The following MPPE1 variants were observed in gnomAD, a reference collection of about 807,000 sequenced individuals.
MPPE1 encodes the protein metallophosphoesterase 1.
MPPE1 carries 28 observed loss-of-function variants against 43.8 expected under a neutral mutation model. That is an observed-to-expected ratio of 0.64 (90% CI 0.47 to 0.88). MPPE1 has a LOEUF of 0.88. Among genes scored for constraint, MPPE1 ranks in the 40% least tolerant of loss-of-function variants. The pLI, the probability that MPPE1 is intolerant of heterozygous loss-of-function variation, is 0.00. For synonymous variants in MPPE1, 159 were observed against 188.5 expected (o/e 0.84, Z 1.28); for missense variants, 428 against 492.2 (o/e 0.87, Z 1.23).
In MPPE1 at chr18:11,886,777, G is replaced by A. The variant is rs2037331028; in HGVS notation, c.680C>T (p.Ala227Val). The A allele has an allele frequency of 1.2e-6, 2 of 1,612,678 alleles. No individual in the cohort carries two copies. Among genetic ancestry groups the A allele is most frequent in the South Asian group, 2.2e-5 (2 of 91,036 alleles). The change falls in exon 8 of 11, where the codon GCA (alanine) becomes GTA (valine). Residue 227 changes from alanine (A) to valine (V), a missense_variant and splice_region_variant. Coordinates refer to ENST00000588072, the MANE Select transcript of MPPE1 (RefSeq NM_023075.6). This position sits in a 1 kb window ranked among gnomAD's most constrained non-coding sequence, Gnocchi z 4.1. ...AGGTCCACACCGGCTGGAGCCACGT[G>A]CCTGCTGGGTACAAGTCAGGCCATT... ...VSHRLNCSRE[A>V]RGSSRCGPGP...
intron 4 of MPPE1, among the ~76,000 whole-genome samples, chr18:11,890,853 A>G (rs2037916259): frequency 6.6e-6 from 1 of 152,212 alleles, no homozygotes; most frequent in Non-Finnish European, 1.5e-5. Context: ...GCATTCCCCT[A>G]TGGCTACAAC....
chr18:11,883,362 G>A lies in MPPE1; in HGVS notation c.*1083C>T, dbSNP rs2036765277. 6.5e-6 allele frequency: 1 copy of A among 153,310 alleles called. No individual in the cohort carries two copies. The highest frequency in any genetic ancestry group is 3.4e-3 in the Middle Eastern group (1 of 294). 9.5% of individuals were successfully genotyped at this position (153,310 alleles called of 1,614,324 possible). A position where few individuals can be genotyped will look rare whatever the true frequency, so the allele number is the denominator to read the frequency against. On this transcript the variant is annotated 3_prime_UTR_variant, in exon 11 of 11. Coordinates refer to ENST00000588072, the MANE Select transcript of MPPE1 (RefSeq NM_023075.6). ...CACCCCCAGCAAGAAAGGGAAGTAT[G>A]CTGTTGTATGCATCATTACTCAACA...
Position 11,890,223 on chromosome 18 carries a change from T to C in MPPE1, c.391-733A>G, listed in dbSNP as rs187329909. Among the ~76,000 whole-genome samples, 199 of 152,322 alleles carry C rather than the reference T, an allele frequency of 1.3e-3. 1 individual carries two copies. Among genetic ancestry groups the C allele is most frequent in the African/African-American group, 4.5e-3 (187 of 41,570 alleles). ...TCCCAAAGTGCTGGGATTACAGGCG[T>C]GAGCCACCACACTTGGCCATAATAT... On this transcript the variant is annotated intron_variant, in intron 4 of 10. Transcript: ENST00000588072.
intron 4 of MPPE1, among the ~76,000 whole-genome samples, chr18:11,892,645 C>T (rs1295467272): frequency 6.6e-6 from 1 of 151,392 alleles, no homozygotes; most frequent in African/African-American, 2.4e-5. Context: ...TGCACTCCAG[C>T]CTGGGCAACG....
intron 2 of MPPE1, among the ~76,000 whole-genome samples, chr18:11,899,613 C>A (rs675204): frequency 6.6e-6 from 1 of 152,076 alleles, no homozygotes; most frequent in Non-Finnish European, 1.5e-5. Flanking sequence ...TCTTCAACTG[C>A]GCTCAAGATG....
At position 11,904,407 on chromosome 18, in the gene MPPE1, T is replaced by A. The variant is rs114218809; in HGVS notation, c.-93+1796A>T. Among the ~76,000 whole-genome samples the A allele has an allele frequency of 4.2e-3, 633 of 152,074 alleles. 8 individuals are homozygous for A. Among genetic ancestry groups the A allele is most frequent in the African/African-American group, 0.015 (610 of 41,440 alleles). On this transcript the variant is annotated intron_variant, in intron 2 of 10. Transcript: ENST00000588072. Reference sequence around the variant, plus strand: ...CCAGCTCAGTGCAACCTCCGCCTCCTGGACTCAAGCTATCCTCCCACTTCA... The same window carrying A: ...CCAGCTCAGTGCAACCTCCGCCTCCAGGACTCAAGCTATCCTCCCACTTCA...
At chr18:11,892,541 G>C (rs1466700370) in intron 4 of MPPE1, among the ~76,000 whole-genome samples, 1 of 151,622 alleles carries the variant, frequency 6.6e-6, no homozygotes, top group Non-Finnish European at 1.5e-5. Flanking sequence ...TGGTGACACA[G>C]GAAATGCCTG....
At position 11,885,707 on chromosome 18, in the gene MPPE1, C is replaced by T; in HGVS notation, c.977G>A (p.Trp326Ter). 2 of 1,613,856 alleles carry T rather than the reference C, an allele frequency of 1.2e-6. No individual in the cohort carries two copies. Among genetic ancestry groups the T allele is most frequent in the Non-Finnish European group, 1.7e-6 (2 of 1,179,778 alleles). Residue 326 changes from tryptophan to a stop codon, truncating the protein, a stop_gained, in exon 10 of 11, where the codon TGG becomes TAG. Transcript: ENST00000588072. LOFTEE classifies it low-confidence loss of function (END_TRUNC). ...VPELSVPSFS[W>*]RNRNNPSFIM... ...GAAACTGGGGTTGTTTCTGTTCCTC[C>T]AACTGAAAGATGGGACGCTGAGCTC...
rs1209445737 is a variant in MPPE1 at position 11,885,719 on chromosome 18, G to A, written c.965C>T (p.Pro322Leu). 6 of 1,613,876 alleles carry A rather than the reference G, an allele frequency of 3.7e-6. No individual in the cohort carries two copies. The highest frequency in any genetic ancestry group is 5.1e-6 in the Non-Finnish European group (6 of 1,179,866). The change falls in exon 10 of 11, where the codon CCA becomes CTA. Residue 322 changes from proline (P) to leucine (L), a missense_variant. Pro to Leu is a moderately conservative substitution (Grantham distance 98). Coordinates refer to ENST00000588072, the MANE Select transcript of MPPE1 (RefSeq NM_023075.6). The stretch of plus-strand genomic sequence containing the variant: ...GTTTCTGTTCCTCCAACTGAAAGAT[G>A]GGACGCTGAGCTCGGGGACTCGGCC... ...HGGRVPELSV[P>L]SFSWRNRNNP... is the part of the protein sequence containing the mutation.
chr18:11,897,865 T>C (rs2038755449), intron 2 of MPPE1, among the ~76,000 whole-genome samples: 1 of 152,186 alleles, frequency 6.6e-6, no homozygotes, highest in Middle Eastern at 3.2e-3. Context: ...GCTTCAAAGA[T>C]CCAAGGAATT....
At chr18:11,907,746 CA>C (rs2039863885) in intron 1 of MPPE1, 1 of 149,210 alleles carries the variant, frequency 6.7e-6, no homozygotes, top group Non-Finnish European at 1.5e-5. Flanking sequence ...TCTCTGGGAT[CA>C]AGCCATCCTC....
Position 11,886,369 on chromosome 18 carries a change from C to T in MPPE1, c.867+130G>A, listed in dbSNP as rs1455398040. ...GAAAGCCAGGCCTCCACCCCTGTCCCCCCAGGTGATAACTAAGTCATGAAC... is the reference window on the plus strand; with the variant it reads ...GAAAGCCAGGCCTCCACCCCTGTCCTCCCAGGTGATAACTAAGTCATGAAC... On this transcript the variant is annotated intron_variant, in intron 9 of 10. Transcript: ENST00000588072. The surrounding 1 kb of genome is among the most constrained non-coding windows in gnomAD (Gnocchi z 4.1). 1 of 1,311,384 alleles carries T rather than the reference C, an allele frequency of 7.6e-7. No individual in the cohort carries two copies. Among genetic ancestry groups the T allele is most frequent in the Non-Finnish European group, 1.1e-6 (1 of 922,832 alleles). 81.2% of individuals were successfully genotyped at this position (1,311,384 alleles called of 1,614,324 possible).
Position 11,883,407 on chromosome 18 carries a change from T to C in MPPE1, c.*1038A>G, listed in dbSNP as rs2036767292. 6.5e-6 allele frequency: 1 copy of C among 153,184 alleles called. No homozygotes were observed. The highest frequency in any genetic ancestry group is 6.6e-5 in the Admixed American group (1 of 15,260). 9.5% of individuals were successfully genotyped at this position (153,184 alleles called of 1,614,324 possible). The stretch of plus-strand genomic sequence containing the variant: ...TCAACAATTACCCTCTAACTAAACA[T>C]CCTGTTTAAGAGTTTAATTCAAACA... On this transcript the variant is annotated 3_prime_UTR_variant, in exon 11 of 11. Coordinates refer to ENST00000588072, the MANE Select transcript of MPPE1 (RefSeq NM_023075.6).
At position 11,885,871 on chromosome 18, in the gene MPPE1, C is replaced by G. The variant is rs746639398; in HGVS notation, c.868-55G>C. On this transcript the variant is annotated intron_variant, in intron 9 of 10. Coordinates refer to ENST00000588072, the MANE Select transcript of MPPE1 (RefSeq NM_023075.6). Reference sequence around the variant, plus strand: ...GGCTGTTAGCTCATCCTCAACCAGGCTCTCACCGCTCAGCAGACGGCCGCT... The same window carrying G: ...GGCTGTTAGCTCATCCTCAACCAGGGTCTCACCGCTCAGCAGACGGCCGCT... 3 of 1,521,292 alleles carry G rather than the reference C, an allele frequency of 2.0e-6. 1 individual carries two copies. In the South Asian group the frequency reaches 3.7e-5, roughly 19 times the overall value. 94.2% of individuals were successfully genotyped at this position (1,521,292 alleles called of 1,614,324 possible).
At chr18:11,890,169 C>G (rs6505679) in intron 4 of MPPE1, among the ~76,000 whole-genome samples, 56,665 of 151,088 alleles carry the variant, frequency 0.38, 13,036 homozygotes, top group African/African-American at 0.66. Context: ...GTCGCGATCT[C>G]CTGACCTCAT....
Position 11,897,261 on chromosome 18 carries a change from C to T in MPPE1, c.4G>A (p.Ala2Thr), listed in dbSNP as rs2038706199. The change falls in exon 3 of 11, where the codon GCG (alanine) becomes ACG (threonine). Residue 2 changes from alanine to threonine, a missense_variant. Physicochemically the swap from Ala to Thr is moderately conservative, Grantham distance 58 (BLOSUM62 0). Around this residue, in one of 3 missense-constraint regions of MPPE1, gnomAD observed 48 missense variants for 73.5 expected, o/e 0.65. Transcript: ENST00000588072. MAMIELGFGRQN... is the reference protein window; with the variant it reads MTMIELGFGRQN... ...CTTCCAAACCCCAATTCGATCATCG[C>T]CATTTCTCAAGCAACAACAAATCCA... 8.8e-7 allele frequency: 1 copy of T among 1,131,964 alleles called. No individual in the cohort carries two copies. Among genetic ancestry groups the T allele is most frequent in the African/African-American group, 1.6e-5 (1 of 63,932 alleles). The allele number at this position is 1,131,964 out of a possible 1,614,324, so 70.1% of individuals were successfully genotyped here.
chr18:11,907,856 T>TC (rs894439679), intron 1 of MPPE1: 6 of 151,838 alleles, frequency 4.0e-5, no homozygotes, highest in African/African-American at 1.5e-4. Flanking sequence ...AAAAATCTAA[T>TC]CCCCCCAAAA....
chr18:11,897,403 G>A (rs1253788210), intron 2 of MPPE1, 47 bp from the exon 3 acceptor site: 11 of 738,198 alleles, frequency 1.5e-5, no homozygotes, highest in Admixed American at 2.5e-5. Flanking sequence ...AATAATACAG[G>A]TATCACGACC....
Position 11,886,547 on chromosome 18 carries a change from G to T in MPPE1, c.819C>A (p.Ile273=). Residue 273 remains isoleucine (I), a synonymous_variant, in exon 9 of 11, where the codon ATC becomes ATA. Transcript: ENST00000588072. This position sits in a 1 kb window ranked among gnomAD's most constrained non-coding sequence, Gnocchi z 4.1. ...GCACGTCATAGTTCTCCTTAAATGG[G>T]ATGTCCCTTTCCTCTGCAGGAGCAG... ...EDAAPAEERD[I]PFKENYDVLS... The T allele has an allele frequency of 6.2e-7, 1 of 1,614,208 alleles. No homozygotes were observed. Among genetic ancestry groups the T allele is most frequent in the Non-Finnish European group, 8.5e-7 (1 of 1,180,036 alleles).
Sources: allele counts gnomAD v4.1 joint callset (sites outside exome capture counted in the v4.1 genomes callset), GRCh38; gene constraint gnomAD v4.1.1; regional missense constraint gnomAD v4.1.1; non-coding constraint Gnocchi (gnomAD v3.1); transcripts MANE v1.5; gene names NCBI Gene and HGNC (gene_info 2026-07-23, HGNC 2026-07-21).